SPOCK3: variants seen among roughly 807,000 people sequenced by gnomAD.
The protein encoded by SPOCK3 is SPARC (osteonectin), cwcv and kazal like domains proteoglycan 3.
In SPOCK3, 30 loss-of-function variants were observed where a neutral mutation model predicts 56.6. That is an observed-to-expected ratio of 0.53 (90% CI 0.40 to 0.72). The LOEUF is 0.72. Among genes scored for constraint, SPOCK3 ranks in the 30% least tolerant of loss-of-function variants. The probability of loss-of-function intolerance (pLI) is 0.00; values close to 1 mark genes in which losing one functional copy is unlikely to be tolerated. For missense variants in SPOCK3, 527 were observed against 530.0 expected (o/e 0.99, Z 0.06); for synonymous variants, 196 against 183.3 (o/e 1.07, Z -0.56).
At chr4:167,038,457 A>G (rs1374009094) in intron 3 of SPOCK3, among the ~76,000 whole-genome samples, 3 of 152,116 alleles carry the variant, frequency 2.0e-5, no homozygotes, top group African/African-American at 4.8e-5. Context: ...CTAATCTTGA[A>G]AAAAGAGAGC....
chr4:166,748,119 G>A (rs1209170350), intron 8 of SPOCK3, among the ~76,000 whole-genome samples: 1 of 150,064 alleles, frequency 6.7e-6, no homozygotes, highest in Non-Finnish European at 1.5e-5. Context: ...TTTCTTCATA[G>A]AATTGGAAAA....
At chr4:167,084,713 C>T (rs1171299960) in intron 2 of SPOCK3, among the ~76,000 whole-genome samples, 1 of 152,088 alleles carries the variant, frequency 6.6e-6, no homozygotes, top group African/African-American at 2.4e-5. Context: ...GTTCAATTTA[C>T]ATCTTGGTGT....
intron 2 of SPOCK3, among the ~76,000 whole-genome samples, chr4:167,143,972 T>A (rs1561262165): frequency 6.6e-6 from 1 of 152,020 alleles, no homozygotes; most frequent in Non-Finnish European, 1.5e-5. Flanking sequence ...TATTTATCCA[T>A]AATTTATTCA....
intron 4 of SPOCK3, among the ~76,000 whole-genome samples, chr4:166,993,301 T>A (rs1748001770): frequency 6.6e-6 from 1 of 152,098 alleles, no homozygotes; most frequent in Non-Finnish European, 1.5e-5. Flanking sequence ...AAAATTGACA[T>A]CCCTTGAGGC....
chr4:166,988,763 T>G (rs1006482145), intron 4 of SPOCK3, among the ~76,000 whole-genome samples: 2 of 152,084 alleles, frequency 1.3e-5, no homozygotes, highest in African/African-American at 4.8e-5. Flanking sequence ...CTGAGTTGCA[T>G]TGTCTTAATC....
chr4:166,964,635 TATA>T (rs566200198), intron 4 of SPOCK3, among the ~76,000 whole-genome samples: 42 of 151,654 alleles, frequency 2.8e-4, no homozygotes, highest in Non-Finnish European at 3.7e-4. Context: ...TGATATTATA[TATA>T]ATAATATTTC....
intron 2 of SPOCK3, among the ~76,000 whole-genome samples, chr4:167,209,413 G>T (rs1734651604): frequency 6.6e-6 from 1 of 152,012 alleles, no homozygotes; most frequent in Non-Finnish European, 1.5e-5. Flanking sequence ...AAATAAAAAT[G>T]ATATTTCAAA....
At chr4:166,771,967 T>G (rs939622404) in intron 7 of SPOCK3, among the ~76,000 whole-genome samples, 1 of 152,052 alleles carries the variant, frequency 6.6e-6, no homozygotes, top group East Asian at 1.9e-4. Flanking sequence ...CTTAGCATGC[T>G]TGGTAAAATT....
At position 166,973,954 on chromosome 4, in the gene SPOCK3, T is replaced by C. The variant is rs886613377; in HGVS notation, c.350+26395A>G. 2.6e-5 allele frequency among the ~76,000 whole-genome samples: 4 copies of C among 152,310 alleles called. No homozygotes were observed. In the Middle Eastern group the frequency reaches 0.01, roughly 389 times the overall value. On this transcript the variant is annotated intron_variant, in intron 4 of 10. Transcript: ENST00000357545. ...AAATCAGTTGGCTATGGCTAAGATA[T>C]GTATCTGATAAACAAATATTGCCTA... is the stretch of plus-strand genomic sequence containing the variant.
intron 9 of SPOCK3, among the ~76,000 whole-genome samples, chr4:166,738,975 G>T (rs1388678876): frequency 1.3e-5 from 2 of 152,090 alleles, no homozygotes; most frequent in South Asian, 2.1e-4. Flanking sequence ...AGTCCTTTGG[G>T]TATATACCCA....
intron 4 of SPOCK3, among the ~76,000 whole-genome samples, chr4:166,940,031 G>T (rs970558109): frequency 1.9e-4 from 29 of 152,194 alleles, no homozygotes; most frequent in African/African-American, 5.5e-4. Context: ...CTAAAGGAAA[G>T]ATATTTAAAA....
intron 2 of SPOCK3, among the ~76,000 whole-genome samples, chr4:167,178,944 C>T (rs936990198): frequency 1.3e-5 from 2 of 152,038 alleles, no homozygotes; most frequent in Non-Finnish European, 1.5e-5. Context: ...GAAATTATGT[C>T]ATATCAAATT....
chr4:166,843,014 AG>A (rs1747625465), intron 6 of SPOCK3, among the ~76,000 whole-genome samples: 2 of 152,190 alleles, frequency 1.3e-5, no homozygotes, highest in Non-Finnish European at 2.9e-5. Context: ...GCGTGTCCCC[AG>A]TGGGCCGGCG....
chr4:166,767,740 T>A (rs1430367704), intron 7 of SPOCK3, among the ~76,000 whole-genome samples: 1 of 152,190 alleles, frequency 6.6e-6, no homozygotes, highest in Non-Finnish European at 1.5e-5. Context: ...TTCCTGGATA[T>A]CCTTGTTAAC....
chr4:166,845,928 T>A (rs1251297658), intron 6 of SPOCK3, among the ~76,000 whole-genome samples: 1 of 152,266 alleles, frequency 6.6e-6, no homozygotes, highest in South Asian at 2.1e-4. Context: ...ATACCCTGTA[T>A]GGTAAAAGCT....
chr4:166,959,340 C>T (rs1284984217), intron 4 of SPOCK3, among the ~76,000 whole-genome samples: 2 of 152,020 alleles, frequency 1.3e-5, no homozygotes, highest in Non-Finnish European at 2.9e-5. Flanking sequence ...CTCGGCCAGG[C>T]GTGGTGGCTC....
chr4:167,098,757 T>C (rs1759380025), intron 2 of SPOCK3, among the ~76,000 whole-genome samples: 1 of 152,054 alleles, frequency 6.6e-6, no homozygotes, highest in Non-Finnish European at 1.5e-5. Context: ...TCTTTGTTGG[T>C]GGGTTAACTC....
chr4:166,767,959 C>G (rs1432329539), intron 7 of SPOCK3, among the ~76,000 whole-genome samples: 3 of 151,072 alleles, frequency 2.0e-5, no homozygotes, highest in Non-Finnish European at 4.4e-5. Flanking sequence ...TTCTTTTTGT[C>G]TTTTGATCTT....
At chr4:166,936,034 A>G (rs2150006098) in intron 4 of SPOCK3, among the ~76,000 whole-genome samples, 1 of 152,280 alleles carries the variant, frequency 6.6e-6, no homozygotes, top group South Asian at 2.1e-4. Flanking sequence ...TTTAATCATG[A>G]ATTAGTATTG....
Sources: gnomAD v4.1 joint callset for allele counts (sites outside exome capture counted in the v4.1 genomes callset) on GRCh38, gnomAD v4.1.1 for gene constraint, MANE v1.5 for transcripts, NCBI Gene and HGNC (gene_info 2026-07-23, HGNC 2026-07-21) for gene names.